Variants in EDIL3 observed in about 807,000 individuals in gnomAD.
The protein encoded by EDIL3 is EGF-like repeat and discoidin I-like domain-containing protein 3.
In EDIL3, 37 loss-of-function variants were observed where a neutral mutation model predicts 67.4. The observed-to-expected ratio is 0.55, with a 90% CI of 0.42 to 0.72. The LOEUF (loss-of-function observed/expected upper bound fraction) is 0.72, where lower values mean the gene tolerates loss of function less well. EDIL3 is among the 30% of genes least tolerant of loss of function. The pLI is 0.00. For missense variants in EDIL3, 527 were observed against 586.3 expected (o/e 0.90, Z 1.04); for synonymous variants, 195 against 196.3 (o/e 0.99, Z 0.05).
intron 1 of EDIL3, among the ~76,000 whole-genome samples, chr5:84,365,116 A>G (rs940731355): frequency 2.0e-5 from 3 of 152,128 alleles, no homozygotes; most frequent in East Asian, 1.9e-4. Flanking sequence ...TAAGTGCAAT[A>G]TGCACTTATT....
chr5:83,971,444 A>G (rs942635559), intron 9 of EDIL3, among the ~76,000 whole-genome samples: 1 of 151,236 alleles, frequency 6.6e-6, no homozygotes, highest in Non-Finnish European at 1.5e-5. Context: ...TTAACCTTTT[A>G]TTTTTTGCAG....
rs150266541 is a variant in EDIL3, at chr5:84,298,529, C to T, written c.68-44317G>A. 3.3e-5 allele frequency among the ~76,000 whole-genome samples: 5 copies of T among 152,188 alleles called. No individual in the cohort carries two copies. In the East Asian group the frequency reaches 9.7e-4, roughly 29 times the overall value. On this transcript the variant is annotated intron_variant, in intron 1 of 10. Transcript: ENST00000296591. ...CAGCTAATGCATACTGGGCTTAATA[C>T]CAAGGTGATAGGTTGATAGGTGCAG...
At chr5:84,204,761 T>C (rs1336489011) in intron 3 of EDIL3, among the ~76,000 whole-genome samples, 1 of 148,214 alleles carries the variant, frequency 6.7e-6, no homozygotes, top group Non-Finnish European at 1.5e-5. Flanking sequence ...CTTTCTATTA[T>C]GCCCCTTTAC....
chr5:84,206,204 T>C (rs866402810), intron 3 of EDIL3, among the ~76,000 whole-genome samples: 9 of 152,204 alleles, frequency 5.9e-5, no homozygotes, highest in Admixed American at 1.3e-4. Flanking sequence ...TTGTTCAGTT[T>C]CCATGTAGTT....
At chr5:84,174,912 C>T (rs115825887) in intron 4 of EDIL3, among the ~76,000 whole-genome samples, 1,704 of 152,194 alleles carry the variant, frequency 0.011, 29 homozygotes, top group African/African-American at 0.034. Context: ...AAGAATGATA[C>T]GATAAAAATG....
chr5:84,303,448 GTAGACTTT>G (rs1746199444), intron 1 of EDIL3, among the ~76,000 whole-genome samples: 1 of 152,106 alleles, frequency 6.6e-6, no homozygotes, highest in South Asian at 2.1e-4. Flanking sequence ...GTATAGTACT[GTAGACTTT>G]TTTGTCTTTT....
intron 1 of EDIL3, among the ~76,000 whole-genome samples, chr5:84,371,629 C>T: frequency 6.6e-6 from 1 of 150,918 alleles, no homozygotes; most frequent in African/African-American, 2.4e-5. Context: ...CAATAAATAG[C>T]ATAATAATAT....
rs1744632748 is a variant in EDIL3 at position 83,963,141 on chromosome 5, A to G, written c.1293+64T>C. The G allele has an allele frequency of 4.6e-6, 7 of 1,516,428 alleles. No homozygotes were observed. The South Asian group carries it at 6.8e-5, about 15-fold the overall frequency. 93.9% of individuals were successfully genotyped at this position (1,516,428 alleles called of 1,614,324 possible). A position where few individuals can be genotyped will look rare whatever the true frequency, so the allele number is the denominator to read the frequency against. ...TACAGATGTATAAGCAGTTAATTCAATCAAACTTGGGTGTAATTTGATCCT... is the reference window on the plus strand; with the variant it reads ...TACAGATGTATAAGCAGTTAATTCAGTCAAACTTGGGTGTAATTTGATCCT... On this transcript the variant is annotated intron_variant, in intron 10 of 10. Coordinates refer to ENST00000296591, the MANE Select transcript of EDIL3 (RefSeq NM_005711.5).
At chr5:84,373,014 T>TA (rs1028440272) in intron 1 of EDIL3, among the ~76,000 whole-genome samples, 2 of 152,126 alleles carry the variant, frequency 1.3e-5, no homozygotes, top group African/African-American at 4.8e-5. Flanking sequence ...TTTCCTCATA[T>TA]AACTTCTGGG....
intron 3 of EDIL3, among the ~76,000 whole-genome samples, chr5:84,219,962 C>G (rs922055121): frequency 6.6e-5 from 10 of 151,044 alleles, no homozygotes; most frequent in Non-Finnish European, 1.3e-4. Flanking sequence ...AAGGGTAGTG[C>G]AGGGGGTAGT....
intron 9 of EDIL3, among the ~76,000 whole-genome samples, chr5:84,016,041 C>T (rs182701959): frequency 1.7e-3 from 263 of 152,216 alleles, no homozygotes; most frequent in Non-Finnish European, 2.6e-4. Flanking sequence ...TCTCCCTCCT[C>T]CCACCACCCA....
intron 6 of EDIL3, among the ~76,000 whole-genome samples, chr5:84,094,782 C>T (rs574932503): frequency 1.3e-5 from 2 of 152,288 alleles, no homozygotes; most frequent in South Asian, 2.1e-4. Context: ...ATATATTCTA[C>T]ATTAACTATA....
intron 9 of EDIL3, among the ~76,000 whole-genome samples, chr5:83,994,331 G>C (rs1745200580): frequency 6.6e-6 from 1 of 150,708 alleles, no homozygotes. Context: ...TTTTGGAAGA[G>C]GATTTAAAAC....
At chr5:84,057,801 C>T (rs1169893223) in intron 9 of EDIL3, among the ~76,000 whole-genome samples, 1 of 152,006 alleles carries the variant, frequency 6.6e-6, no homozygotes, top group African/African-American at 2.4e-5. Context: ...TTTATTCATT[C>T]AACAAATCTT....
intron 6 of EDIL3, among the ~76,000 whole-genome samples, chr5:84,096,039 G>A (rs1377913350): frequency 1.3e-5 from 2 of 152,192 alleles, no homozygotes; most frequent in Non-Finnish European, 2.9e-5. Context: ...GGGAAACACT[G>A]CCTAGATTTC....
intron 4 of EDIL3, among the ~76,000 whole-genome samples, chr5:84,141,886 C>G (rs1748195508): frequency 7.0e-6 from 1 of 143,080 alleles, no homozygotes. Context: ...GAAGCCTACT[C>G]CAGTAATTGA....
intron 3 of EDIL3, among the ~76,000 whole-genome samples, chr5:84,225,256 T>C (rs1398794160): frequency 6.6e-6 from 1 of 151,658 alleles, no homozygotes; most frequent in African/African-American, 2.4e-5. Context: ...GCAGATAAGA[T>C]GTATCATGCA....
chr5:84,378,580 T>A (rs1021223140), intron 1 of EDIL3, among the ~76,000 whole-genome samples: 1 of 152,208 alleles, frequency 6.6e-6, no homozygotes, highest in African/African-American at 2.4e-5. Context: ...CCAAGAGAAA[T>A]AAGCTTTTCT....
At chr5:84,248,603 C>T (rs898580278) in intron 2 of EDIL3, among the ~76,000 whole-genome samples, 1 of 152,144 alleles carries the variant, frequency 6.6e-6, no homozygotes, top group African/African-American at 2.4e-5. Flanking sequence ...TGCTTGACTT[C>T]TTAGATAATG....
Sources: gnomAD v4.1 joint callset for allele counts (sites outside exome capture counted in the v4.1 genomes callset) on GRCh38, gnomAD v4.1.1 for gene constraint, MANE v1.5 for transcripts, NCBI Gene and HGNC (gene_info 2026-07-23, HGNC 2026-07-21) for gene names.